Variants in SLC6A3 observed in about 807,000 individuals in gnomAD.
The protein encoded by SLC6A3 is sodium-dependent dopamine transporter.
In SLC6A3, 19 loss-of-function variants were observed where a neutral mutation model predicts 70.4. That is an observed-to-expected ratio of 0.27 (90% confidence interval 0.19 to 0.40). The LOEUF is 0.40. Among genes scored for constraint, SLC6A3 ranks in the 10% least tolerant of loss-of-function variants. The pLI, the probability that SLC6A3 is intolerant of heterozygous loss-of-function variation, is 1.00. For missense variants in SLC6A3, 613 were observed against 838.5 expected (o/e 0.73, Z 3.32); for synonymous variants, 368 against 356.6 (o/e 1.03, Z -0.36).
chr5:1,404,322 C>T lies in SLC6A3; in HGVS notation c.1600-1233G>A, dbSNP rs748033848. ...GGCCTGCAGCATCTGGGATCAGGGGCGGCTGCCTTGGCTGCACAGAGAGCC... is the reference window on the plus strand; with the variant it reads ...GGCCTGCAGCATCTGGGATCAGGGGTGGCTGCCTTGGCTGCACAGAGAGCC... On this transcript the variant is annotated intron_variant, in intron 12 of 14. Coordinates refer to ENST00000270349, the MANE Select transcript of SLC6A3 (RefSeq NM_001044.5). The surrounding 1 kb of genome is among the most constrained non-coding windows in gnomAD (Gnocchi z 5.2). Among the ~76,000 whole-genome samples, 8 of 152,214 alleles carry T rather than the reference C, an allele frequency of 5.3e-5. No homozygotes were observed. The highest frequency in any genetic ancestry group is 1.2e-4 in the African/African-American group (5 of 41,464).
Position 1,401,665 on chromosome 5 carries a change from T to C in SLC6A3, c.1768-679A>G, listed in dbSNP as rs1167926544. ...GTACCTGGCTCAGCTGCTGAGGTTT[T>C]ACTTGGCTTACGTTCAGAGTTTGGC... On this transcript the variant is annotated intron_variant, in intron 13 of 14. Transcript: ENST00000270349. This position sits in a 1 kb window ranked among gnomAD's most constrained non-coding sequence, Gnocchi z 6.1. Among the ~76,000 whole-genome samples the C allele has an allele frequency of 6.6e-6, 1 of 152,200 alleles. No homozygotes were observed. The highest frequency in any genetic ancestry group is 1.5e-5 in the Non-Finnish European group (1 of 68,044).
At chr5:1,410,009 G>C (rs1296987320) in intron 9 of SLC6A3, among the ~76,000 whole-genome samples, 160 bp from the exon 10 acceptor site, 1 of 152,252 alleles carries the variant, frequency 6.6e-6, no homozygotes, top group Non-Finnish European at 1.5e-5. Context: ...AGTGAGGACA[G>C]CTGTTGGCGA....
At chr5:1,423,307 G>C (rs1756505105) in intron 4 of SLC6A3, among the ~76,000 whole-genome samples, 1 of 111,486 alleles carries the variant, frequency 9.0e-6, no homozygotes, top group African/African-American at 3.6e-5. Flanking sequence ...CCGCTGCCCA[G>C]TGCTGCCCAT....
At position 1,411,333 on chromosome 5, in the gene SLC6A3, G is replaced by A. The variant is rs1756118883; in HGVS notation, c.1179C>T (p.Ile393=). Residue 393 remains isoleucine (I), a synonymous_variant, in exon 9 of 15, where the codon ATC becomes ATT. Coordinates refer to ENST00000270349, the MANE Select transcript of SLC6A3 (RefSeq NM_001044.5). This position sits in a 1 kb window ranked among gnomAD's most constrained non-coding sequence, Gnocchi z 6.5. ...GGAGCGTGGCGATGGCTTCCGGGTA[G>A]ATGATGAAGATCAGCCCTGGCCCTG... ...AKDGPGLIFI[I]YPEAIATLPL... is the part of the protein sequence containing the mutation. 6.4e-7 allele frequency: 1 copy of A among 1,551,718 alleles called. No individual in the cohort carries two copies. Among genetic ancestry groups the A allele is most frequent in the East Asian group, 2.4e-5 (1 of 41,034 alleles).
rs403798 is a variant in SLC6A3 at position 1,394,545 on chromosome 5, G to A, written c.*190C>T. The A allele has an allele frequency of 6.2e-3, 4,396 of 703,522 alleles. 56 individuals are homozygous for A. Among genetic ancestry groups the A allele is most frequent in the African/African-American group, 0.026 (1,491 of 57,556 alleles). The allele number at this position is 703,522 out of a possible 1,614,324, so 43.6% of individuals were successfully genotyped here. ...TTATTACAGCAACACAAGACACGGC[G>A]AGGTGCGCTCCCGGCACGGAAAGGT... is the stretch of plus-strand genomic sequence containing the variant. On this transcript the variant is annotated 3_prime_UTR_variant, in exon 15 of 15. Transcript: ENST00000270349. The surrounding 1 kb of genome is among the most constrained non-coding windows in gnomAD (Gnocchi z 4.7).
chr5:1,427,329 T>C (rs1756594441), intron 4 of SLC6A3, among the ~76,000 whole-genome samples: 1 of 152,242 alleles, frequency 6.6e-6, no homozygotes, highest in Admixed American at 6.5e-5. Flanking sequence ...TCATGTCACT[T>C]GAAGGTCAGT....
rs540425066 is a variant in SLC6A3 at position 1,442,658 on chromosome 5, C to G, written c.286+254G>C. On this transcript the variant is annotated intron_variant, in intron 2 of 14. Transcript: ENST00000270349. This position sits in a 1 kb window ranked among gnomAD's most constrained non-coding sequence, Gnocchi z 5.0. ...CCAAGCTGCCCCGTCTGCCGCCCCCCACCCCCCAGCTTCTTCGCGGGCCTC... is the reference window on the plus strand; with the variant it reads ...CCAAGCTGCCCCGTCTGCCGCCCCCGACCCCCCAGCTTCTTCGCGGGCCTC... Among the ~76,000 whole-genome samples the G allele has an allele frequency of 1.0e-3, 155 of 152,204 alleles. No individual in the cohort carries two copies. Among genetic ancestry groups the G allele is most frequent in the Middle Eastern group, 6.8e-3 (2 of 294 alleles).
At chr5:1,417,558 C>G (rs1756335317) in intron 6 of SLC6A3, among the ~76,000 whole-genome samples, 1 of 152,232 alleles carries the variant, frequency 6.6e-6, no homozygotes, top group African/African-American at 2.4e-5. Context: ...GCACCCACAA[C>G]TCTGGACGTG....
Position 1,436,678 on chromosome 5 carries a change from G to A in SLC6A3, c.419-3980C>T, listed in dbSNP as rs189679126. On this transcript the variant is annotated intron_variant, in intron 3 of 14. Coordinates refer to ENST00000270349, the MANE Select transcript of SLC6A3 (RefSeq NM_001044.5). The surrounding 1 kb of genome is among the most constrained non-coding windows in gnomAD (Gnocchi z 5.2). ...TTTATATTCAATACAATCGAATGGT[G>A]GGGTTTCCAGGGCGTCTGTAAAATG... Among the ~76,000 whole-genome samples, 624 of 152,306 alleles carry A rather than the reference G, an allele frequency of 4.1e-3. 3 individuals carry two copies. Among genetic ancestry groups the A allele is most frequent in the Non-Finnish European group, 6.8e-3 (463 of 68,036 alleles).
At chr5:1,429,697 G>A (rs1049156852) in intron 4 of SLC6A3, among the ~76,000 whole-genome samples, 6 of 152,186 alleles carry the variant, frequency 3.9e-5, no homozygotes, top group African/African-American at 1.2e-4. Flanking sequence ...GTTGGGTACC[G>A]GGAACTCTCA....
At position 1,437,722 on chromosome 5, in the gene SLC6A3, G is replaced by T. The variant is rs771827182; in HGVS notation, c.418+3637C>A. Among the ~76,000 whole-genome samples, 5 of 152,220 alleles carry T rather than the reference G, an allele frequency of 3.3e-5. No individual in the cohort carries two copies. The highest frequency in any genetic ancestry group is 7.3e-5 in the Non-Finnish European group (5 of 68,040). On this transcript the variant is annotated intron_variant, in intron 3 of 14. Coordinates refer to ENST00000270349, the MANE Select transcript of SLC6A3 (RefSeq NM_001044.5). This position sits in a 1 kb window ranked among gnomAD's most constrained non-coding sequence, Gnocchi z 4.8. ...CCCAGTTAGGAGCAGGGAGCAGCTC[G>T]CAGGTCTGCAGGAGGGGAAGGGCCA...
At chr5:1,419,448 C>T (rs929439790) in intron 6 of SLC6A3, among the ~76,000 whole-genome samples, 1 of 152,214 alleles carries the variant, frequency 6.6e-6, no homozygotes. Flanking sequence ...TTCACATGCA[C>T]TGGTGTTTGT....
At position 1,406,863 on chromosome 5, in the gene SLC6A3, T is replaced by C. The variant is rs1247644352; in HGVS notation, c.1499-575A>G. On this transcript the variant is annotated intron_variant, in intron 11 of 14. Coordinates refer to ENST00000270349, the MANE Select transcript of SLC6A3 (RefSeq NM_001044.5). The surrounding 1 kb of genome is among the most constrained non-coding windows in gnomAD (Gnocchi z 8.8). ...TTTTTGTCTCAATGAATGTGACTCC[T>C]GTGGGAACCTCCCGTCAGTGGAGTC... 1.3e-5 allele frequency among the ~76,000 whole-genome samples: 2 copies of C among 149,198 alleles called. No individual in the cohort carries two copies. The highest frequency in any genetic ancestry group is 4.9e-5 in the African/African-American group (2 of 41,164).
Position 1,411,317 on chromosome 5 carries a change from C to A in SLC6A3, c.1195G>T (p.Ala399Ser). 6.4e-7 allele frequency: 1 copy of A among 1,553,310 alleles called. No homozygotes were observed. The highest frequency in any genetic ancestry group is 8.7e-7 in the Non-Finnish European group (1 of 1,148,262). ...CAGGCTGAGGACAGAGGGAGCGTGGCGATGGCTTCCGGGTAGATGATGAAG... is the reference window on the plus strand; with the variant it reads ...CAGGCTGAGGACAGAGGGAGCGTGGAGATGGCTTCCGGGTAGATGATGAAG... The part of the protein sequence containing the change: ...LIFIIYPEAI[A>S]TLPLSSAWAV... Residue 399 changes from alanine (A) to serine (S), a missense_variant, in exon 9 of 15, where the codon GCC (alanine) becomes TCC (serine). Physicochemically the swap from Ala to Ser is moderately conservative, Grantham distance 99 (BLOSUM62 1). Transcript: ENST00000270349. This position sits in a 1 kb window ranked among gnomAD's most constrained non-coding sequence, Gnocchi z 6.5.
rs1258696551 is a variant in SLC6A3, at chr5:1,436,001, C to A, written c.419-3303G>T. 1.4e-5 allele frequency among the ~76,000 whole-genome samples: 2 copies of A among 140,794 alleles called. No homozygotes were observed. Among genetic ancestry groups the A allele is most frequent in the Non-Finnish European group, 3.1e-5 (2 of 65,028 alleles). The allele number at this position is 140,794 out of a possible 152,430, so 92.4% of individuals were successfully genotyped here. A position where few individuals can be genotyped will look rare whatever the true frequency, so the allele number is the denominator to read the frequency against. The stretch of plus-strand genomic sequence containing the variant: ...TCCCTTGAACAGTGGTGGCCAGTCC[C>A]CTCCTGGATGCTTCCCTGGGCACCT... On this transcript the variant is annotated intron_variant, in intron 3 of 14. Coordinates refer to ENST00000270349, the MANE Select transcript of SLC6A3 (RefSeq NM_001044.5). The surrounding 1 kb of genome is among the most constrained non-coding windows in gnomAD (Gnocchi z 5.2).
intron 5 of SLC6A3, among the ~76,000 whole-genome samples, 186 bp from the exon 6 acceptor site, chr5:1,420,889 C>A (rs987148287): frequency 2.0e-5 from 3 of 152,256 alleles, no homozygotes; most frequent in African/African-American, 7.2e-5. Context: ...CACTTTCTGT[C>A]CTGCACACCC....
Position 1,443,063 on chromosome 5 carries a change from G to A in SLC6A3, c.135C>T (p.Ser45=), listed in dbSNP as rs1279677044. The A allele has an allele frequency of 6.2e-7, 1 of 1,614,250 alleles. No individual in the cohort carries two copies. Among genetic ancestry groups the A allele is most frequent in the Middle Eastern group, 1.6e-4 (1 of 6,062 alleles). The change falls in exon 2 of 15, where the codon TCC becomes TCT. Residue 45 remains serine (S), a synonymous_variant. Coordinates refer to ENST00000270349, the MANE Select transcript of SLC6A3 (RefSeq NM_001044.5). Reference sequence around the variant, plus strand: ...GGCTCTGCCGCGGGTTGGTGAGGGTGGAGCTGGTGAGCTGCACTCCGTTCT... The same window carrying A: ...GGCTCTGCCGCGGGTTGGTGAGGGTAGAGCTGGTGAGCTGCACTCCGTTCT... ...KEQNGVQLTS[S]TLTNPRQSPV...
At position 1,408,321 on chromosome 5, in the gene SLC6A3, C is replaced by G. The variant is rs780445305; in HGVS notation, c.1498+705G>C. Among the ~76,000 whole-genome samples the G allele has an allele frequency of 4.6e-5, 7 of 151,520 alleles. No individual in the cohort carries two copies. The highest frequency in any genetic ancestry group is 1.0e-4 in the Non-Finnish European group (7 of 67,968). ...CCTCCCAAAGTGCTGGGATTACAGGCGTGAGTCACCGCGCCCGGACCACAC... is the reference window on the plus strand; with the variant it reads ...CCTCCCAAAGTGCTGGGATTACAGGGGTGAGTCACCGCGCCCGGACCACAC... On this transcript the variant is annotated intron_variant, in intron 11 of 14. Coordinates refer to ENST00000270349, the MANE Select transcript of SLC6A3 (RefSeq NM_001044.5). This position sits in a 1 kb window ranked among gnomAD's most constrained non-coding sequence, Gnocchi z 6.4.
rs765505589 is a variant in SLC6A3, at chr5:1,409,063, T to G, written c.1461A>C (p.Gly487=). 1 of 1,612,942 alleles carries G rather than the reference T, an allele frequency of 6.2e-7. No homozygotes were observed. The highest frequency in any genetic ancestry group is 1.1e-5 in the South Asian group (1 of 91,012). The change falls in exon 11 of 15, where the codon GGA becomes GGC. Residue 487 remains glycine (G), a synonymous_variant. Transcript: ENST00000270349. ...HFAAGTSILF[G]VLIEAIGVAW... is the part of the protein sequence containing the mutation. ...CCACTCCGATGGCTTCGATGAGCAC[T>G]CCAAAGAGGATGGACGTGCCGGCTG...
Sources: allele counts gnomAD v4.1 joint callset (sites outside exome capture counted in the v4.1 genomes callset), GRCh38; gene constraint gnomAD v4.1.1; non-coding constraint Gnocchi (gnomAD v3.1); transcripts MANE v1.5; gene names NCBI Gene and HGNC (gene_info 2026-07-23, HGNC 2026-07-21).